Variants in PCDH19 observed in about 807,000 individuals in gnomAD.
The protein encoded by PCDH19 is protocadherin 19.
In PCDH19, 6 loss-of-function variants were observed where a neutral mutation model predicts 46.2. The ratio of observed to expected loss-of-function variants is 0.13; its 90% CI spans 0.07 to 0.26. The LOEUF is 0.26. Among genes scored for constraint, PCDH19 ranks in the 10% least tolerant of loss-of-function variants. PCDH19 has a pLI of 1.00. For synonymous variants in PCDH19, 481 were observed against 415.7 expected (o/e 1.16, Z -1.91); for missense variants, 740 against 972.3 (o/e 0.76, Z 3.18).
At chrX:100,404,534 A>T (rs1158818271) in intron 1 of PCDH19, among the ~76,000 whole-genome samples, 7 of 111,722 alleles carry the variant, frequency 6.3e-5, no homozygotes, top group Non-Finnish European at 7.5e-5. Context: ...GTACTTCATT[A>T]ATCCCAAACC....
intron 5 of PCDH19, among the ~76,000 whole-genome samples, chrX:100,305,143 C>T (rs771557160): frequency 7.1e-5 from 8 of 111,935 alleles, no homozygotes; most frequent in Non-Finnish European, 1.1e-4. Flanking sequence ...GAAATCAAGA[C>T]GAAGAAAAGA....
chrX:100,304,024 T>C (rs753539603), intron 5 of PCDH19, among the ~76,000 whole-genome samples: 12 of 112,323 alleles, frequency 1.1e-4, no homozygotes, highest in Admixed American at 1.9e-4. Flanking sequence ...AAAAAATGCC[T>C]GTTAAAATAA....
chrX:100,337,498 T>A (rs936951315), intron 5 of PCDH19, among the ~76,000 whole-genome samples: 2 of 112,456 alleles, frequency 1.8e-5, no homozygotes, highest in African/African-American at 6.5e-5. Context: ...ACGTATTAAT[T>A]CATGGGCACT....
chrX:100,363,326 A>G (rs778320429), intron 3 of PCDH19, among the ~76,000 whole-genome samples: 1 of 109,316 alleles, frequency 9.1e-6, no homozygotes, highest in African/African-American at 3.3e-5. Flanking sequence ...AAAAATGGAA[A>G]TAATATCTGT....
At position 100,408,937 on chromosome X, in the gene PCDH19, C is replaced by T. The variant is rs1464898338; in HGVS notation, c.-340G>A. On this transcript the variant is annotated 5_prime_UTR_variant, in exon 1 of 6. Coordinates refer to ENST00000373034, the MANE Select transcript of PCDH19 (RefSeq NM_001184880.2). Reference sequence around the variant, plus strand: ...CCGGGCGCGACTGTCGGCAGCCGCCCAGGGCTGCGGGTCGGGCGGCGTCTG... The same window carrying T: ...CCGGGCGCGACTGTCGGCAGCCGCCTAGGGCTGCGGGTCGGGCGGCGTCTG... 8.8e-6 allele frequency: 1 copy of T among 113,032 alleles called. No individual in the cohort carries two copies. Among genetic ancestry groups the T allele is most frequent in the Non-Finnish European group, 1.9e-5 (1 of 53,371 alleles). 9.3% of individuals were successfully genotyped at this position (113,032 alleles called of 1,213,427 possible).
chrX:100,350,814 A>G lies in PCDH19; in HGVS notation c.2617-110T>C, dbSNP rs1333919192. The G allele has an allele frequency of 1.3e-5, 7 of 554,283 alleles. No individual in the cohort carries two copies. The African/African-American group carries it at 1.6e-4, about 13-fold the overall frequency. 45.7% of individuals were successfully genotyped at this position (554,283 alleles called of 1,213,427 possible). A position where few individuals can be genotyped will look rare whatever the true frequency, so the allele number is the denominator to read the frequency against. On this transcript the variant is annotated intron_variant, in intron 3 of 5. Transcript: ENST00000373034. ...TTCTGGGTCAAGAAGCAGTGAGTGA[A>G]TTGGAACCCAAGGCCACAGTGCAGC...
chrX:100,404,515 A>C (rs186348008), intron 1 of PCDH19, among the ~76,000 whole-genome samples: 1 of 112,178 alleles, frequency 8.9e-6, no homozygotes, highest in Non-Finnish European at 1.9e-5. Context: ...CCAATTATTT[A>C]ATTATACTGT....
At chrX:100,296,972 G>T in intron 5 of PCDH19, 97 bp from the exon 6 acceptor site, 1 of 807,489 alleles carries the variant, frequency 1.2e-6, no homozygotes, top group Non-Finnish European at 1.9e-6. Context: ...ACAGGCCCTT[G>T]TGGGAAATGG....
At chrX:100,373,401 G>A (rs757623010) in intron 3 of PCDH19, among the ~76,000 whole-genome samples, 1 of 112,966 alleles carries the variant, frequency 8.9e-6, no homozygotes, top group Non-Finnish European at 1.9e-5. Flanking sequence ...CATTTACTCT[G>A]AAAGAAAGAA....
At chrX:100,403,074 T>C (rs2147533798) in intron 2 of PCDH19, among the ~76,000 whole-genome samples, 1 of 110,925 alleles carries the variant, frequency 9.0e-6, no homozygotes, top group African/African-American at 3.3e-5. Context: ...CAACCCCCCC[T>C]AAAAAAGTTT....
At chrX:100,389,276 A>C (rs1927799352) in intron 3 of PCDH19, among the ~76,000 whole-genome samples, 1 of 111,033 alleles carries the variant, frequency 9.0e-6, no homozygotes, top group Non-Finnish European at 1.9e-5. Flanking sequence ...AGCACCTTGA[A>C]TAGTGACTAA....
intron 3 of PCDH19, among the ~76,000 whole-genome samples, chrX:100,386,108 T>C (rs909709959): frequency 1.8e-5 from 2 of 111,695 alleles, no homozygotes; most frequent in Admixed American, 9.6e-5. Context: ...AGCTTTTGTG[T>C]ATCTATATCT....
intron 5 of PCDH19, among the ~76,000 whole-genome samples, chrX:100,310,446 T>G (rs768541762): frequency 9.0e-6 from 1 of 111,236 alleles, no homozygotes. Context: ...AGAGATTGAC[T>G]AGACTGAAAT....
At chrX:100,322,833 GTATA>G (rs60720039) in intron 5 of PCDH19, among the ~76,000 whole-genome samples, 18,571 of 48,707 alleles carry the variant, frequency 0.38, 2,925 homozygotes, top group South Asian at 0.64. Context: ...ATATTCCTAA[GTATA>G]TATATATATA....
rs1254740257 is a variant in PCDH19, at chrX:100,293,514, C to CG, written c.*2762dup. The CG allele has an allele frequency of 3.6e-5, 2 of 56,051 alleles. No homozygotes were observed. The highest frequency in any genetic ancestry group is 6.8e-5 in the Non-Finnish European group (2 of 29,618). 4.6% of individuals were successfully genotyped at this position (56,051 alleles called of 1,213,427 possible). On this transcript the variant is annotated 3_prime_UTR_variant, in exon 6 of 6. Transcript: ENST00000373034. The stretch of plus-strand genomic sequence containing the variant: ...CCAAAAAGGAGAAGGTGGGGTGGGG[C>CG]GGGGGGGACATGAGCCAAAGGGAAA...
At chrX:100,361,391 G>T (rs1926878272) in intron 3 of PCDH19, among the ~76,000 whole-genome samples, 2 of 111,681 alleles carry the variant, frequency 1.8e-5, no homozygotes, top group Admixed American at 1.9e-4. Flanking sequence ...TTTTTAGATA[G>T]GGAGAAAACA....
At chrX:100,378,270 G>T (rs976288245) in intron 3 of PCDH19, among the ~76,000 whole-genome samples, 1 of 113,008 alleles carries the variant, frequency 8.8e-6, no homozygotes, top group African/African-American at 3.2e-5. Flanking sequence ...AAATAAGAAT[G>T]TGTCTATTGG....
intron 4 of PCDH19, 73 bp from the exon 5 acceptor site, chrX:100,342,148 ATG>A: frequency 2.0e-6 from 2 of 982,095 alleles, no homozygotes; most frequent in Non-Finnish European, 1.5e-6. Context: ...AGCCAGGATG[ATG>A]TCGGCTCTGT....
At chrX:100,319,563 A>C (rs1321176505) in intron 5 of PCDH19, among the ~76,000 whole-genome samples, 1 of 112,000 alleles carries the variant, frequency 8.9e-6, no homozygotes, top group Non-Finnish European at 1.9e-5. Flanking sequence ...TCAGCATCTC[A>C]AAAGGCTGAA....
Sources: allele counts gnomAD v4.1 joint callset (sites outside exome capture counted in the v4.1 genomes callset), GRCh38; gene constraint gnomAD v4.1.1; transcripts MANE v1.5; gene names NCBI Gene and HGNC (gene_info 2026-07-23, HGNC 2026-07-21).